Variants in N4BP2 observed in about 807,000 individuals in gnomAD.
N4BP2 encodes the protein NEDD4-binding protein 2.
In N4BP2, 91 loss-of-function variants were observed where a neutral mutation model predicts 152.8. The ratio of observed to expected loss-of-function variants is 0.60; its 90% CI spans 0.50 to 0.71. The LOEUF (loss-of-function observed/expected upper bound fraction) is 0.71, where lower values mean the gene tolerates loss of function less well. N4BP2 is among the 30% of genes least tolerant of loss of function. The probability of loss-of-function intolerance (pLI) is 0.00; values close to 1 mark genes in which losing one functional copy is unlikely to be tolerated. For synonymous variants in N4BP2, 646 were observed against 705.3 expected, an observed-to-expected ratio of 0.92 and a Z score of 1.33; for missense variants, 1,923 against 2,059.1, an observed-to-expected ratio of 0.93 and a Z score of 1.28.
At chr4:40,160,934 C>T (rs550092882), downstream of N4BP2, among the ~76,000 whole-genome samples, 3 of 152,238 alleles carry the variant, frequency 2.0e-5, no homozygotes, top group South Asian at 6.2e-4. Context: ...AAACCTAACA[C>T]CCCACAGAGC....
intron 2 of N4BP2, among the ~76,000 whole-genome samples, chr4:40,093,421 T>G (rs992931640): frequency 2.7e-4 from 41 of 151,972 alleles, no homozygotes; most frequent in African/African-American, 9.4e-4. Context: ...TACAATTTTT[T>G]TTTGAGACAG....
chr4:40,133,420 C>G (rs1270554438), intron 13 of N4BP2, among the ~76,000 whole-genome samples: 3 of 150,892 alleles, frequency 2.0e-5, no homozygotes, highest in African/African-American at 4.9e-5. Context: ...ACTGCAGCCT[C>G]CGCCTCCCGG....
chr4:40,174,665 A>G, the N4BP2 span, among the ~76,000 whole-genome samples: 1 of 151,926 alleles, frequency 6.6e-6, no homozygotes, highest in Non-Finnish European at 1.5e-5. Flanking sequence ...TAGGCGGTGT[A>G]GTGGTGCGCA....
At chr4:40,099,155 A>G (rs554811697) in intron 3 of N4BP2, among the ~76,000 whole-genome samples, 41 of 152,306 alleles carry the variant, frequency 2.7e-4, no homozygotes, top group Admixed American at 7.8e-4. Context: ...TTGCCTACCA[A>G]TGAGGTGTGC....
In N4BP2 at chr4:40,103,022, G is replaced by A. The variant is rs1300223218; in HGVS notation, c.1177G>A (p.Val393Ile). 1.2e-6 allele frequency: 2 copies of A among 1,614,036 alleles called. No individual in the cohort carries two copies. Among genetic ancestry groups the A allele is most frequent in the East Asian group, 2.2e-5 (1 of 44,906 alleles). The change falls in exon 4 of 18, where the codon GTC (valine) becomes ATC (isoleucine). Residue 393 changes from valine (V) to isoleucine (I), a missense_variant. Transcript: ENST00000261435. ...AACCACAGCTGCACACTGGAGATCT[G>A]TCAACTACACATTTCCACCCTCAGT... The part of the protein sequence containing the change: ...VVTTAAHWRS[V>I]NYTFPPSVIS...
the N4BP2 span, among the ~76,000 whole-genome samples, chr4:40,174,482 A>C: frequency 6.6e-6 from 1 of 151,922 alleles, no homozygotes; most frequent in Admixed American, 6.6e-5. Flanking sequence ...TGTGGAAACA[A>C]CCTAAGTGTG....
At chr4:40,162,325 A>G (rs1009338210), downstream of N4BP2, among the ~76,000 whole-genome samples, 1 of 152,162 alleles carries the variant, frequency 6.6e-6, no homozygotes, top group Non-Finnish European at 1.5e-5. Context: ...AACATAGTGA[A>G]ACCCTGTCTC....
chr4:40,117,765 G>C (rs1314803385), intron 7 of N4BP2, 104 bp from the exon 8 acceptor site: 3 of 888,924 alleles, frequency 3.4e-6, no homozygotes, highest in Admixed American at 3.3e-5. Context: ...TTTGATATTC[G>C]TATCTATTAG....
At chr4:40,128,572 G>A (rs1281784325) in intron 12 of N4BP2, among the ~76,000 whole-genome samples, 1 of 149,080 alleles carries the variant, frequency 6.7e-6, no homozygotes, top group South Asian at 2.1e-4. Context: ...CTGTCACCCA[G>A]GCTGGAGTGC....
At chr4:40,073,739 G>A (rs1252607185) in intron 2 of N4BP2, among the ~76,000 whole-genome samples, 188 bp downstream of exon 2, 1 of 152,024 alleles carries the variant, frequency 6.6e-6, no homozygotes, top group South Asian at 2.1e-4. Flanking sequence ...GACTACAGGT[G>A]CATGCCACCA....
At chr4:40,089,194 T>C (rs961049528) in intron 2 of N4BP2, among the ~76,000 whole-genome samples, 2 of 151,552 alleles carry the variant, frequency 1.3e-5, no homozygotes, top group African/African-American at 4.9e-5. Flanking sequence ...GCTTAAGGGA[T>C]TCCCCCCCTC....
chr4:40,102,358 T>G lies in N4BP2; in HGVS notation c.513T>G (p.Asn171Lys). 1.9e-6 allele frequency: 3 copies of G among 1,613,326 alleles called. No individual in the cohort carries two copies. The East Asian group carries it at 6.7e-5, about 36-fold the overall frequency. The change falls in exon 4 of 18, where the codon AAT (asparagine) becomes AAG (lysine). Residue 171 changes from asparagine (N) to lysine (K), a missense_variant. Asn to Lys is a moderately conservative substitution (Grantham distance 94, BLOSUM62 0). Transcript: ENST00000261435. ...VYSFLPSQDV[N>K]SFNDSSEFIN... ...CATTTTTGCCTTCACAAGATGTTAA[T>G]AGTTTTAATGACTCAAGTGAGTTTA...
chr4:40,113,983 G>A (rs1717132639), intron 7 of N4BP2, among the ~76,000 whole-genome samples: 1 of 152,150 alleles, frequency 6.6e-6, no homozygotes, highest in African/African-American at 2.4e-5. Flanking sequence ...ACTGGGAGGG[G>A]CGAATTGTCG....
At chr4:40,147,332 C>T (rs180714921) in intron 16 of N4BP2, among the ~76,000 whole-genome samples, 3 of 152,362 alleles carry the variant, frequency 2.0e-5, no homozygotes, top group Non-Finnish European at 4.4e-5. Flanking sequence ...GACACAGCGA[C>T]CATCCGATTT....
At chr4:40,097,877 T>A (rs1715243083) in intron 3 of N4BP2, among the ~76,000 whole-genome samples, 1 of 152,182 alleles carries the variant, frequency 6.6e-6, no homozygotes, top group African/African-American at 2.4e-5. Flanking sequence ...GGCTACATAA[T>A]CCTTTATTTT....
the N4BP2 span, among the ~76,000 whole-genome samples, chr4:40,163,389 A>G: frequency 6.6e-6 from 1 of 152,132 alleles, no homozygotes; most frequent in Non-Finnish European, 1.5e-5. Flanking sequence ...GGGAAGATCA[A>G]CCCCTCTGTA....
intron 12 of N4BP2, among the ~76,000 whole-genome samples, chr4:40,128,529 T>C (rs1305133676): frequency 6.9e-6 from 1 of 144,170 alleles, no homozygotes; most frequent in Admixed American, 7.2e-5. Flanking sequence ...GAATTTTCTT[T>C]CTTCTTTCTG....
the N4BP2 span, among the ~76,000 whole-genome samples, chr4:40,174,866 A>G: frequency 1.3e-5 from 2 of 151,610 alleles, no homozygotes; most frequent in Non-Finnish European, 2.9e-5. Flanking sequence ...AAACTGTGCT[A>G]TAGATAGACT....
intron 1 of N4BP2, among the ~76,000 whole-genome samples, chr4:40,059,238 C>T (rs2109879710): frequency 6.6e-6 from 1 of 151,152 alleles, no homozygotes; most frequent in Non-Finnish European, 1.5e-5. Context: ...TAATGAATTT[C>T]AGAAAAATAG....
Sources: allele counts gnomAD v4.1 joint callset (sites outside exome capture counted in the v4.1 genomes callset), GRCh38; gene constraint gnomAD v4.1.1; transcripts MANE v1.5; gene names NCBI Gene and HGNC (gene_info 2026-07-23, HGNC 2026-07-21).